The following PAK5 variants were observed in gnomAD, a reference collection of about 807,000 sequenced individuals.
PAK5 encodes the protein serine/threonine-protein kinase PAK 5.
In PAK5, 16 loss-of-function variants were observed where a neutral mutation model predicts 65.9. That is an observed-to-expected ratio of 0.24 (90% CI 0.16 to 0.37). The LOEUF (loss-of-function observed/expected upper bound fraction) is 0.37. Among genes scored for constraint, PAK5 ranks in the 10% least tolerant of loss-of-function variants. PAK5 has a pLI of 1.00. For missense variants in PAK5, 785 were observed against 903.9 expected (o/e 0.87, Z 1.69); for synonymous variants, 371 against 354.9 (o/e 1.05, Z -0.51).
At chr20:9,623,392 C>T (rs1327752812) in intron 3 of PAK5, among the ~76,000 whole-genome samples, 1 of 151,646 alleles carries the variant, frequency 6.6e-6, no homozygotes, top group East Asian at 1.9e-4. Flanking sequence ...ATCAAATCAG[C>T]AAGAAATAAG....
intron 3 of PAK5, among the ~76,000 whole-genome samples, chr20:9,628,503 C>G (rs2046878060): frequency 6.6e-6 from 1 of 152,178 alleles, no homozygotes; most frequent in Non-Finnish European, 1.5e-5. Flanking sequence ...ATTTTGTTCT[C>G]AAAGCTTTCA....
intron 1 of PAK5, among the ~76,000 whole-genome samples, chr20:9,829,100 C>G (rs1978507453): frequency 6.6e-6 from 1 of 152,214 alleles, no homozygotes; most frequent in Non-Finnish European, 1.5e-5. Context: ...AACTGGACAT[C>G]TGTTTAAAAA....
chr20:9,663,374 G>T (rs2047372245), intron 2 of PAK5, among the ~76,000 whole-genome samples: 1 of 152,112 alleles, frequency 6.6e-6, no homozygotes, highest in African/African-American at 2.4e-5. Context: ...TGTCTAAGAG[G>T]TATTTAATGT....
intron 3 of PAK5, among the ~76,000 whole-genome samples, chr20:9,604,114 T>C (rs937425077): frequency 6.6e-6 from 1 of 152,184 alleles, no homozygotes; most frequent in African/African-American, 2.4e-5. Flanking sequence ...CAGATGCACC[T>C]GAATGTGTGT....
chr20:9,612,621 C>G lies in PAK5; in HGVS notation c.204+31504G>C, dbSNP rs999973670. ...CCAAGACGGTTGGTGCTAAACCGTT[C>G]GTGAGAACTCCACCCCCCCGATCCA... On this transcript the variant is annotated intron_variant, in intron 3 of 9. Coordinates refer to ENST00000353224, the MANE Select transcript of PAK5 (RefSeq NM_177990.4). 3.9e-4 allele frequency among the ~76,000 whole-genome samples: 60 copies of G among 152,072 alleles called. 2 individuals carry two copies. Among genetic ancestry groups the G allele is most frequent in the Non-Finnish European group, 1.5e-5 (1 of 68,030 alleles).
At chr20:9,712,303 T>C (rs1331551128) in intron 1 of PAK5, among the ~76,000 whole-genome samples, 1 of 152,172 alleles carries the variant, frequency 6.6e-6, no homozygotes, top group Non-Finnish European at 1.5e-5. Context: ...ACCTTGTTTA[T>C]AGTTCAGCAT....
At chr20:9,595,513 TAA>T (rs2046248140) in intron 3 of PAK5, among the ~76,000 whole-genome samples, 5 of 151,892 alleles carry the variant, frequency 3.3e-5, no homozygotes, top group South Asian at 2.1e-4. Context: ...TCCTCTTCTC[TAA>T]GTTATATCTC....
At chr20:9,767,480 C>A (rs2327225) in intron 1 of PAK5, among the ~76,000 whole-genome samples, 118,235 of 152,122 alleles carry the variant, frequency 0.78, 46,246 homozygotes, top group African/African-American at 0.89. Context: ...GTCTGAAATT[C>A]TATTATTTGT....
At position 9,594,004 on chromosome 20, in the gene PAK5, T is replaced by C. The variant is rs571635177; in HGVS notation, c.205-13074A>G. On this transcript the variant is annotated intron_variant, in intron 3 of 9. Coordinates refer to ENST00000353224, the MANE Select transcript of PAK5 (RefSeq NM_177990.4). ...TTCCGCTTCATCTGGCAGCTTCAAT[T>C]GCAGGGGCTCCCAGCCATGCACATT... 4.6e-5 allele frequency among the ~76,000 whole-genome samples: 7 copies of C among 152,336 alleles called. No individual in the cohort carries two copies. In the East Asian group the frequency reaches 1.4e-3, roughly 29 times the overall value.
intron 1 of PAK5, among the ~76,000 whole-genome samples, chr20:9,830,581 T>A (rs1239832542): frequency 6.6e-6 from 1 of 152,206 alleles, no homozygotes; most frequent in Non-Finnish European, 1.5e-5. Context: ...TTATACCTCT[T>A]GCTTCTGCTT....
intron 1 of PAK5, among the ~76,000 whole-genome samples, chr20:9,794,433 T>C (rs1380050965): frequency 6.6e-6 from 1 of 152,012 alleles, no homozygotes; most frequent in African/African-American, 2.4e-5. Context: ...GCATAAGCAA[T>C]AAAGACTAAT....
chr20:9,803,063 C>G (rs1388753058), intron 1 of PAK5, among the ~76,000 whole-genome samples: 1 of 150,926 alleles, frequency 6.6e-6, no homozygotes, highest in Non-Finnish European at 1.5e-5. Context: ...GTCAGAAAAT[C>G]ACAACTAACC....
intron 2 of PAK5, among the ~76,000 whole-genome samples, chr20:9,692,273 A>T (rs1371656227): frequency 6.6e-6 from 1 of 152,240 alleles, no homozygotes; most frequent in Non-Finnish European, 1.5e-5. Context: ...GTGTGAAAGC[A>T]ATAAGAAGGT....
chr20:9,612,208 G>A (rs1388133936), intron 3 of PAK5, among the ~76,000 whole-genome samples: 4 of 152,072 alleles, frequency 2.6e-5, no homozygotes, highest in Admixed American at 6.6e-5. Context: ...GCTCCTACAC[G>A]CGGCTCCAGT....
In PAK5 at chr20:9,730,484, G is replaced by C. The variant is rs150216998; in HGVS notation, c.-161-19049C>G. The stretch of plus-strand genomic sequence containing the variant: ...TCAGTTACATAAGAAACTTAGGAAT[G>C]TCAAGCCCTTGCTTTCAATTTAGGT... On this transcript the variant is annotated intron_variant, in intron 1 of 9. Transcript: ENST00000353224. 1.5e-3 allele frequency among the ~76,000 whole-genome samples: 227 copies of C among 152,336 alleles called. 1 individual carries two copies. The highest frequency in any genetic ancestry group is 5.2e-3 in the African/African-American group (216 of 41,586).
At chr20:9,590,893 TG>T (rs2046158857) in intron 3 of PAK5, among the ~76,000 whole-genome samples, 1 of 152,208 alleles carries the variant, frequency 6.6e-6, no homozygotes, top group African/African-American at 2.4e-5. Flanking sequence ...GCCAAGTTCT[TG>T]CTGGGTGGTA....
intron 1 of PAK5, among the ~76,000 whole-genome samples, chr20:9,734,972 T>C (rs1314933389): frequency 6.6e-6 from 1 of 152,200 alleles, no homozygotes; most frequent in African/African-American, 2.4e-5. Context: ...GAGGAAAGTA[T>C]ACAGAATACA....
intron 3 of PAK5, among the ~76,000 whole-genome samples, chr20:9,605,213 T>G (rs1220312714): frequency 6.6e-6 from 1 of 152,176 alleles, no homozygotes; most frequent in African/African-American, 2.4e-5. Context: ...TCCACATTGG[T>G]TAAGGATTAC....
At chr20:9,595,643 C>T (rs1174644602) in intron 3 of PAK5, among the ~76,000 whole-genome samples, 1 of 152,056 alleles carries the variant, frequency 6.6e-6, no homozygotes, top group Non-Finnish European at 1.5e-5. Flanking sequence ...ACATAAAGAC[C>T]ACAGATTTAA....
Sources: gnomAD v4.1 joint callset for allele counts (sites outside exome capture counted in the v4.1 genomes callset) on GRCh38, gnomAD v4.1.1 for gene constraint, MANE v1.5 for transcripts, NCBI Gene and HGNC (gene_info 2026-07-23, HGNC 2026-07-21) for gene names.